DOCK11: variants seen among roughly 807,000 people sequenced by gnomAD.
DOCK11 encodes dedicator of cytokinesis 11, also known as dedicator of cytokinesis protein 11.
Under a neutral mutation model 169.1 loss-of-function variants are expected in DOCK11, and 70 were observed. That is an observed-to-expected ratio of 0.41 (90% CI 0.34 to 0.51). DOCK11 has a LOEUF of 0.51. DOCK11 is among the 20% of genes least tolerant of loss of function. The pLI is 0.10. For missense variants in DOCK11, 1,166 were observed against 1,538.8 expected (o/e 0.76, Z 4.05); for synonymous variants, 529 against 541.3 (o/e 0.98, Z 0.32).
intron 19 of DOCK11, among the ~76,000 whole-genome samples, chrX:118,590,924 T>C (rs1428931858): frequency 8.9e-6 from 1 of 112,222 alleles, no homozygotes; most frequent in Non-Finnish European, 1.9e-5. Flanking sequence ...TTCTTCCTAC[T>C]TCTCCACCTC....
chrX:118,672,601 A>AT lies in DOCK11; in HGVS notation c.5199+1463dup, dbSNP rs774806384. ...GCGCCCGCCACCGCGCCCGACTAAT[A>AT]TTTTTTTGTATTTTTAGTAGAGGCA... On this transcript the variant is annotated intron_variant, in intron 46 of 52. Coordinates refer to ENST00000276202, the MANE Select transcript of DOCK11 (RefSeq NM_144658.4). Among the ~76,000 whole-genome samples, 126 of 111,128 alleles carry AT rather than the reference A, an allele frequency of 1.1e-3. 1 individual carries two copies. Among genetic ancestry groups the AT allele is most frequent in the East Asian group, 0.011 (37 of 3,523 alleles).
chrX:118,641,579 A>G (rs1045784785), intron 39 of DOCK11, among the ~76,000 whole-genome samples: 2 of 111,459 alleles, frequency 1.8e-5, no homozygotes, highest in East Asian at 5.6e-4. Flanking sequence ...CAAAGTTTCC[A>G]TACTTTAAGT....
rs776878196 is a variant in DOCK11 at position 118,671,356 on chromosome X, A to G, written c.5199+211A>G. Among the ~76,000 whole-genome samples, 18 of 111,672 alleles carry G rather than the reference A, an allele frequency of 1.6e-4. No homozygotes were observed. In the Admixed American group the frequency reaches 1.6e-3, roughly 10 times the overall value. On this transcript the variant is annotated intron_variant, in intron 46 of 52. Transcript: ENST00000276202. ...CAAAGTGACAATTCCTAAAAATGCTATTAAATCCTGAGATTTTTTAATGAT... is the reference window on the plus strand; with the variant it reads ...CAAAGTGACAATTCCTAAAAATGCTGTTAAATCCTGAGATTTTTTAATGAT...
At chrX:118,518,315 C>T (rs975303084) in intron 1 of DOCK11, among the ~76,000 whole-genome samples, 1 of 111,475 alleles carries the variant, frequency 9.0e-6, no homozygotes, top group Admixed American at 9.6e-5. Context: ...CTGTGTGCCT[C>T]TTTTTTCTGT....
intron 44 of DOCK11, among the ~76,000 whole-genome samples, chrX:118,662,054 T>C (rs1427081600): frequency 8.9e-6 from 1 of 112,526 alleles, no homozygotes; most frequent in Non-Finnish European, 1.9e-5. Flanking sequence ...GTTTTACAGA[T>C]GATAAAACTT....
rs1603090686 is a variant in DOCK11, at chrX:118,585,069, C to T, written c.1747C>T (p.Pro583Ser). The T allele has an allele frequency of 8.3e-7, 1 of 1,208,204 alleles. No homozygotes were observed. The highest frequency in any genetic ancestry group is 1.8e-5 in the South Asian group (1 of 56,712). The part of the protein sequence containing the change: ...KPEKTKLQII[P>S]GQLNITVECV... ...AGAAAAGACCAAACTGCAGATTATT[C>T]CTGGGCAGCTAAACATCACAGTAGA... is the stretch of plus-strand genomic sequence containing the variant. Residue 583 changes from proline to serine, a missense_variant, in exon 16 of 53, where the codon CCT becomes TCT. Coordinates refer to ENST00000276202, the MANE Select transcript of DOCK11 (RefSeq NM_144658.4).
At position 118,635,541 on chromosome X, in the gene DOCK11, A is replaced by G. The variant is rs756558174; in HGVS notation, c.3887-805A>G. On this transcript the variant is annotated intron_variant, in intron 35 of 52. Coordinates refer to ENST00000276202, the MANE Select transcript of DOCK11 (RefSeq NM_144658.4). The stretch of plus-strand genomic sequence containing the variant: ...AATTTATAATGCAAAGGCAGAGAGA[A>G]AAAGGAAAGTTATCTGTCTCTCCTG... 7.1e-5 allele frequency among the ~76,000 whole-genome samples: 8 copies of G among 112,458 alleles called. No individual in the cohort carries two copies. In the South Asian group the frequency reaches 3.0e-3, roughly 42 times the overall value.
Position 118,639,465 on chromosome X carries a change from C to A in DOCK11, c.4032C>A (p.Phe1344Leu), listed in dbSNP as rs773743682. ...RVHDAWLSKH[F>L]GIDRKSQTMP... ...ATGATGCCTGGCTGTCAAAACACTT[C>A]GGAATAGACCGAAAATCGCAAACCA... The change falls in exon 38 of 53, where the codon TTC (phenylalanine) becomes TTA (leucine). Residue 1344 changes from phenylalanine (F) to leucine (L), a missense_variant. Transcript: ENST00000276202. 8.3e-7 allele frequency: 1 copy of A among 1,209,275 alleles called. No homozygotes were observed. The highest frequency in any genetic ancestry group is 1.8e-5 in the South Asian group (1 of 56,687).
At chrX:118,592,123 T>C (rs2147427406) in intron 19 of DOCK11, among the ~76,000 whole-genome samples, 1 of 109,739 alleles carries the variant, frequency 9.1e-6, no homozygotes, top group South Asian at 4.0e-4. Context: ...AGCAGCATGT[T>C]TTATAGTCCT....
intron 32 of DOCK11, among the ~76,000 whole-genome samples, chrX:118,625,112 C>A (rs751695191): frequency 9.2e-6 from 1 of 109,285 alleles, no homozygotes; most frequent in African/African-American, 3.3e-5. Flanking sequence ...CAGTGCTTTG[C>A]AAACTTTAAT....
Position 118,543,495 on chromosome X carries a change from T to C in DOCK11, c.310-16T>C. The C allele has an allele frequency of 8.6e-7, 1 of 1,156,762 alleles. No individual in the cohort carries two copies. Among genetic ancestry groups the C allele is most frequent in the Non-Finnish European group, 1.2e-6 (1 of 846,713 alleles). On this transcript the variant is annotated splice_polypyrimidine_tract_variant and intron_variant, in intron 3 of 52. Coordinates refer to ENST00000276202, the MANE Select transcript of DOCK11 (RefSeq NM_144658.4). The stretch of plus-strand genomic sequence containing the variant: ...TTTTCCTATATTTCAAATTCAAGAT[T>C]CCTATTTTCTTTCAGTGTATTAAAA...
At chrX:118,574,304 G>A (rs374154233) in intron 12 of DOCK11, among the ~76,000 whole-genome samples, 13 of 111,953 alleles carry the variant, frequency 1.2e-4, no homozygotes, top group African/African-American at 3.6e-4. Context: ...GGTGGCTCAC[G>A]CCTGTAATCC....
chrX:118,516,004 A>ACTATATATATATATATAT (rs1436837389), intron 1 of DOCK11, among the ~76,000 whole-genome samples: 1,751 of 44,925 alleles, frequency 0.039, 393 homozygotes, highest in African/African-American at 0.19. Flanking sequence ...GATTTGGGCA[A>ACTATATATATATATATAT]ATATATATAT....
chrX:118,593,266 C>CTT lies in DOCK11; in HGVS notation c.2196_2197dup (p.Tyr733PhefsTer4). The CTT allele has an allele frequency of 8.3e-7, 1 of 1,205,863 alleles. No homozygotes were observed. Among genetic ancestry groups the CTT allele is most frequent in the Non-Finnish European group, 1.1e-6 (1 of 892,833 alleles). Reference sequence around the variant, plus strand: ...CATCAAAAACATCATTTGCTTTTCACTTTTTATCATGTAAGTTGTGAAATT... The same window carrying CTT: ...CATCAAAAACATCATTTGCTTTTCACTTTTTTTATCATGTAAGTTGTGAAATT... On this transcript the variant is annotated frameshift_variant, in exon 20 of 53. Transcript: ENST00000276202. LOFTEE classifies it high-confidence loss of function.
chrX:118,608,205 A>ATTTT (rs781313653), intron 25 of DOCK11, 26 bp from the exon 26 acceptor site: 3 of 1,177,710 alleles, frequency 2.5e-6, no homozygotes, highest in Non-Finnish European at 3.4e-6. Context: ...CTTACAGTTC[A>ATTTT]TTTTTTTTTG....
intron 35 of DOCK11, chrX:118,632,997 G>A: frequency 1.3e-5 from 1 of 77,933 alleles, no homozygotes; most frequent in African/African-American, 4.8e-5. Flanking sequence ...GGGTGGGGGG[G>A]ATGGGGAAGC....
intron 1 of DOCK11, among the ~76,000 whole-genome samples, chrX:118,526,413 A>C (rs1047710267): frequency 8.9e-6 from 1 of 112,447 alleles, no homozygotes; most frequent in African/African-American, 3.2e-5. Context: ...AACTCTGGCC[A>C]AGGGTCCCTG....
At position 118,544,719 on chromosome X, in the gene DOCK11, G is replaced by A. The variant is rs183544558; in HGVS notation, c.393-604G>A. ...CTTGTCACCCAGGCTGGAGTGCAGT[G>A]GCGCGATCTCGGCTCACTGCAACCT... is the stretch of plus-strand genomic sequence containing the variant. On this transcript the variant is annotated intron_variant, in intron 4 of 52. Transcript: ENST00000276202. 6.7e-3 allele frequency among the ~76,000 whole-genome samples: 621 copies of A among 93,303 alleles called. 8 individuals are homozygous for A. Among genetic ancestry groups the A allele is most frequent in the African/African-American group, 0.023 (563 of 24,706 alleles). The allele number at this position is 93,303 out of a possible 115,157, so 81.0% of individuals were successfully genotyped here. A position where few individuals can be genotyped will look rare whatever the true frequency, so the allele number is the denominator to read the frequency against.
At chrX:118,549,191 A>T (rs1184627761) in intron 6 of DOCK11, among the ~76,000 whole-genome samples, 2 of 102,245 alleles carry the variant, frequency 2.0e-5, no homozygotes, top group East Asian at 5.8e-4. Flanking sequence ...TTGCACCAGG[A>T]TGGAGTGCAG....
Sources: allele counts gnomAD v4.1 joint callset (sites outside exome capture counted in the v4.1 genomes callset), GRCh38; gene constraint gnomAD v4.1.1; transcripts MANE v1.5; gene names NCBI Gene and HGNC (gene_info 2026-07-23, HGNC 2026-07-21).